Variants in SNTG2 observed in about 807,000 individuals in gnomAD.
SNTG2 encodes gamma-2-syntrophin.
Under a neutral mutation model 70.9 loss-of-function variants are expected in SNTG2, and 74 were observed. The ratio of observed to expected loss-of-function variants is 1.04; its 90% CI spans 0.86 to 1.27. The LOEUF (loss-of-function observed/expected upper bound fraction) is 1.27. SNTG2 is among the 50% of genes most tolerant of loss of function. SNTG2 has a pLI of 0.00. For synonymous variants in SNTG2, 278 were observed against 273.8 expected (o/e 1.02, Z -0.15); for missense variants, 717 against 690.7 (o/e 1.04, Z -0.43).
Position 1,316,732 on chromosome 2 carries a change from G to T in SNTG2, c.1488+357G>T, listed in dbSNP as rs1162893679. 1.4e-5 allele frequency among the ~76,000 whole-genome samples: 2 copies of T among 138,152 alleles called. 1 individual carries two copies. Among genetic ancestry groups the T allele is most frequent in the Non-Finnish European group, 3.2e-5 (2 of 61,750 alleles). The allele number at this position is 138,152 out of a possible 152,430, so 90.6% of individuals were successfully genotyped here. On this transcript the variant is annotated intron_variant, in intron 16 of 16. Coordinates refer to ENST00000308624, the MANE Select transcript of SNTG2 (RefSeq NM_018968.4). ...CATTCGAGAAGGTTGGGATTCTGGAGCACTTAGCATCAGGGCAGCATTGGA... is the reference window on the plus strand; with the variant it reads ...CATTCGAGAAGGTTGGGATTCTGGATCACTTAGCATCAGGGCAGCATTGGA...
intron 16 of SNTG2, among the ~76,000 whole-genome samples, chr2:1,365,284 A>G (rs1661418160): frequency 6.6e-6 from 1 of 152,218 alleles, no homozygotes; most frequent in Non-Finnish European, 1.5e-5. Context: ...GAAACTACCT[A>G]AAGACTATGA....
At chr2:1,104,448 A>G (rs1665986773) in intron 4 of SNTG2, among the ~76,000 whole-genome samples, 2 of 152,224 alleles carry the variant, frequency 1.3e-5, no homozygotes, top group South Asian at 4.1e-4. Flanking sequence ...TTCTCTCAAG[A>G]TAATTTAAAA....
intron 16 of SNTG2, among the ~76,000 whole-genome samples, chr2:1,365,963 A>C (rs761450816): frequency 1.3e-5 from 2 of 151,706 alleles, no homozygotes; most frequent in Non-Finnish European, 1.5e-5. Flanking sequence ...CCCATTCTCC[A>C]CCCCCTCATT....
intron 16 of SNTG2, among the ~76,000 whole-genome samples, chr2:1,352,760 G>A (rs964401322): frequency 6.6e-6 from 1 of 152,162 alleles, no homozygotes; most frequent in Non-Finnish European, 1.5e-5. Flanking sequence ...TTGTCACCTT[G>A]CACAGGTTAT....
intron 8 of SNTG2, among the ~76,000 whole-genome samples, chr2:1,189,387 AT>A (rs75435922): frequency 0.31 from 47,780 of 151,798 alleles, 8,078 homozygotes; most frequent in East Asian, 0.65. Flanking sequence ...AGTTCTCAAC[AT>A]ATTTGTAAGA....
intron 11 of SNTG2, among the ~76,000 whole-genome samples, chr2:1,242,321 C>T (rs1039793477): frequency 8.6e-5 from 13 of 151,858 alleles, no homozygotes; most frequent in African/African-American, 1.7e-4. Context: ...GTGAAAAATG[C>T]GAATTTTATG....
intron 16 of SNTG2, 32 bp downstream of exon 16, chr2:1,316,407 AC>A (rs1284042631): frequency 8.9e-7 from 1 of 1,122,236 alleles, no homozygotes; most frequent in South Asian, 1.4e-5. Context: ...TTATTCTGCC[AC>A]CACCCACACA....
At chr2:1,071,530 C>T (rs372492982) in intron 1 of SNTG2, among the ~76,000 whole-genome samples, 4,641 of 147,528 alleles carry the variant, frequency 0.031, 152 homozygotes, top group South Asian at 0.13. Flanking sequence ...AGGGATAGCA[C>T]TGGGAGATAT....
At chr2:1,031,727 G>A (rs1048866868) in intron 1 of SNTG2, among the ~76,000 whole-genome samples, 5 of 151,288 alleles carry the variant, frequency 3.3e-5, no homozygotes, top group African/African-American at 1.2e-4. Context: ...TAGTAATGAA[G>A]TACTGATACA....
chr2:965,887 C>T (rs1660546010), intron 1 of SNTG2, among the ~76,000 whole-genome samples: 1 of 152,166 alleles, frequency 6.6e-6, no homozygotes, highest in Non-Finnish European at 1.5e-5. Flanking sequence ...GAGTCAAGGG[C>T]CGCCTTGGCC....
At chr2:1,114,150 C>G (rs933582547) in intron 4 of SNTG2, among the ~76,000 whole-genome samples, 2 of 151,428 alleles carry the variant, frequency 1.3e-5, no homozygotes, top group African/African-American at 2.4e-5. Context: ...AGGTTTAACC[C>G]TTACGGTCCT....
rs749771879 is a variant in SNTG2 at position 1,209,259 on chromosome 2, CTT to C, written c.719+31_719+32del. ...TGTGACCATTGTCTGAGATGGGAAACTTTGATGAACCCCGTGCACTTTTGCCA... is the reference window on the plus strand; with the variant it reads ...TGTGACCATTGTCTGAGATGGGAAACTGATGAACCCCGTGCACTTTTGCCA... On this transcript the variant is annotated intron_variant, in intron 9 of 16. Transcript: ENST00000308624. The C allele has an allele frequency of 1.1e-5, 17 of 1,613,424 alleles. No individual in the cohort carries two copies. The African/African-American group carries it at 1.3e-4, about 13-fold the overall frequency.
intron 4 of SNTG2, among the ~76,000 whole-genome samples, chr2:1,101,584 G>T (rs891151631): frequency 4.7e-5 from 7 of 148,684 alleles, no homozygotes; most frequent in African/African-American, 7.6e-5. Context: ...ACTGACACAG[G>T]AGTCTGGCCT....
intron 16 of SNTG2, among the ~76,000 whole-genome samples, chr2:1,325,306 T>C (rs1293878761): frequency 6.6e-6 from 1 of 152,228 alleles, no homozygotes; most frequent in African/African-American, 2.4e-5. Flanking sequence ...GGTAAATGTT[T>C]AAGTTTTGCT....
intron 4 of SNTG2, among the ~76,000 whole-genome samples, chr2:1,109,679 G>C (rs1189782207): frequency 6.6e-6 from 1 of 152,068 alleles, no homozygotes; most frequent in East Asian, 1.9e-4. Context: ...TAGGTACAAA[G>C]AAAATTCATT....
chr2:1,064,966 ACTAAG>A (rs1414750416), intron 1 of SNTG2, among the ~76,000 whole-genome samples: 1 of 152,260 alleles, frequency 6.6e-6, no homozygotes, highest in African/African-American at 2.4e-5. Context: ...CTGTGTCAAT[ACTAAG>A]CATCAACAAC....
intron 16 of SNTG2, among the ~76,000 whole-genome samples, chr2:1,359,248 A>G (rs892340580): frequency 1.3e-5 from 2 of 152,176 alleles, no homozygotes; most frequent in African/African-American, 4.8e-5. Flanking sequence ...TCAGAAATCA[A>G]AGGTGTCAGG....
intron 1 of SNTG2, among the ~76,000 whole-genome samples, chr2:966,814 G>A (rs1660582631): frequency 6.6e-6 from 1 of 152,014 alleles, no homozygotes; most frequent in Admixed American, 6.6e-5. Flanking sequence ...GGGCATGGTG[G>A]CGGGCGCCTG....
At chr2:1,150,907 T>C (rs1264331761) in intron 6 of SNTG2, among the ~76,000 whole-genome samples, 10 of 42,380 alleles carry the variant, frequency 2.4e-4, no homozygotes, top group Non-Finnish European at 5.5e-4. Context: ...AGAGCAGCCA[T>C]GCGGCTGCTG....
Sources: gnomAD v4.1 joint callset for allele counts (sites outside exome capture counted in the v4.1 genomes callset) on GRCh38, gnomAD v4.1.1 for gene constraint, MANE v1.5 for transcripts, NCBI Gene and HGNC (gene_info 2026-07-23, HGNC 2026-07-21) for gene names.